C16orf78: variants seen among roughly 807,000 people sequenced by gnomAD.
C16orf78 encodes the protein chromosome 16 open reading frame 78.
Under a neutral mutation model 27.3 loss-of-function variants are expected in C16orf78, and 19 were observed. The ratio of observed to expected loss-of-function variants is 0.70; its 90% CI spans 0.49 to 1.02. The LOEUF (loss-of-function observed/expected upper bound fraction) is 1.02, where lower values mean the gene tolerates loss of function less well. Among genes scored for constraint, C16orf78 ranks in the 50% least tolerant of loss-of-function variants. The pLI is 0.00. For synonymous variants in C16orf78, 130 were observed against 116.1 expected, an observed-to-expected ratio of 1.12 and a Z score of -0.77; for missense variants, 339 against 337.0, an observed-to-expected ratio of 1.01 and a Z score of -0.05.
chr16:49,381,545 A>C (rs1279776548), intron 3 of C16orf78, among the ~76,000 whole-genome samples: 1 of 152,160 alleles, frequency 6.6e-6, no homozygotes, highest in African/African-American at 2.4e-5. Flanking sequence ...CAGAATCTAC[A>C]ATGAACTCAA....
intron 3 of C16orf78, among the ~76,000 whole-genome samples, chr16:49,382,794 C>T (rs764596038): frequency 2.6e-5 from 4 of 152,312 alleles, no homozygotes; most frequent in Non-Finnish European, 5.9e-5. Context: ...CTTCCTATCT[C>T]TTTCCTCTTC....
Position 49,387,407 on chromosome 16 carries a change from T to C in C16orf78, c.394+8814T>C, listed in dbSNP as rs1567392826. Reference sequence around the variant, plus strand: ...TTTCTTCTATTCTGTAGGTTGTCTGTTAACTCTGTTGATAGTTTCTTCTCT... The same window carrying C: ...TTTCTTCTATTCTGTAGGTTGTCTGCTAACTCTGTTGATAGTTTCTTCTCT... On this transcript the variant is annotated intron_variant, in intron 3 of 4. Coordinates refer to ENST00000299191, the MANE Select transcript of C16orf78 (RefSeq NM_144602.4). 2.6e-5 allele frequency among the ~76,000 whole-genome samples: 4 copies of C among 152,362 alleles called. No homozygotes were observed. The South Asian group carries it at 8.3e-4, about 32-fold the overall frequency.
In C16orf78 at chr16:49,396,445, C is replaced by G; in HGVS notation, c.417C>G (p.Val139=). The G allele has an allele frequency of 6.2e-7, 1 of 1,614,098 alleles. No individual in the cohort carries two copies. The highest frequency in any genetic ancestry group is 1.1e-5 in the South Asian group (1 of 91,070). The change falls in exon 4 of 5, where the codon GTC becomes GTG. Residue 139 remains valine, a synonymous_variant. Coordinates refer to ENST00000299191, the MANE Select transcript of C16orf78 (RefSeq NM_144602.4). ...CAGATACAGACATCAAGGATGCAGT[C>G]GACCCAGAGTCCACTCAGCGGCCAA... ...KKSDTDIKDA[V]DPESTQRPNP...
Position 49,378,640 on chromosome 16 carries a change from T to G in C16orf78, c.394+47T>G, listed in dbSNP as rs200432749. 4 of 1,609,718 alleles carry G rather than the reference T, an allele frequency of 2.5e-6. No homozygotes were observed. The East Asian group carries it at 8.9e-5, about 36-fold the overall frequency. On this transcript the variant is annotated intron_variant, in intron 3 of 4. Transcript: ENST00000299191. ...CGGCCACCAGAATCCTGCTCCATAA[T>G]CTCCTCCTCTAGAAGAAACCGAAAG...
At position 49,378,528 on chromosome 16, in the gene C16orf78, A is replaced by G; in HGVS notation, c.329A>G (p.Glu110Gly). The G allele has an allele frequency of 6.2e-7, 1 of 1,612,548 alleles. No homozygotes were observed. Among genetic ancestry groups the G allele is most frequent in the Non-Finnish European group, 8.5e-7 (1 of 1,179,314 alleles). The change falls in exon 3 of 5, where the codon GAG becomes GGG. Residue 110 changes from glutamate to glycine, a missense_variant. Transcript: ENST00000299191. ...TCCTACCGAAGCCTCTATGGAGTGG[A>G]GCAAAAGGGGAAACACCTCAGCATG... ...AASYRSLYGV[E>G]QKGKHLSMVP...
intron 3 of C16orf78, among the ~76,000 whole-genome samples, chr16:49,381,856 T>C (rs1245895439): frequency 1.3e-5 from 2 of 152,250 alleles, no homozygotes; most frequent in African/African-American, 2.4e-5. Flanking sequence ...GTCAGTGTGG[T>C]GATTCCTCAG....
intron 3 of C16orf78, among the ~76,000 whole-genome samples, chr16:49,393,261 G>C (rs1026668855): frequency 6.6e-6 from 1 of 152,026 alleles, no homozygotes; most frequent in Non-Finnish European, 1.5e-5. Context: ...CCAAATAGAA[G>C]ATCATATAGA....
At chr16:49,391,291 C>T (rs538845852) in intron 3 of C16orf78, among the ~76,000 whole-genome samples, 31 of 152,270 alleles carry the variant, frequency 2.0e-4, no homozygotes, top group African/African-American at 7.2e-4. Context: ...AGGGAATTCC[C>T]TCCCTGGGCA....
At chr16:49,378,834 G>A (rs921540863) in intron 3 of C16orf78, among the ~76,000 whole-genome samples, 1 of 152,160 alleles carries the variant, frequency 6.6e-6, no homozygotes, top group Non-Finnish European at 1.5e-5. Context: ...GCCCCATCTC[G>A]AGTGTTCCCT....
intron 3 of C16orf78, among the ~76,000 whole-genome samples, chr16:49,389,811 T>C (rs1381934352): frequency 6.6e-6 from 1 of 152,240 alleles, no homozygotes; most frequent in East Asian, 1.9e-4. Context: ...CAAGCAATTA[T>C]GTTTTCAAGA....
At chr16:49,390,679 G>C (rs866190781) in intron 3 of C16orf78, among the ~76,000 whole-genome samples, 1 of 152,182 alleles carries the variant, frequency 6.6e-6, no homozygotes, top group South Asian at 2.1e-4. Context: ...TCTTTCACTA[G>C]AGTACTTTCT....
intron 4 of C16orf78, among the ~76,000 whole-genome samples, chr16:49,398,347 G>A (rs915955558): frequency 5.3e-5 from 8 of 152,328 alleles, no homozygotes; most frequent in African/African-American, 1.9e-4. Flanking sequence ...TGGGACCAAG[G>A]TCAGAGTTGC....
chr16:49,393,611 T>C (rs1258933432), intron 3 of C16orf78, among the ~76,000 whole-genome samples: 1 of 151,576 alleles, frequency 6.6e-6, no homozygotes. Flanking sequence ...AGAAGAAAAT[T>C]TACAGTAAAA....
intron 3 of C16orf78, among the ~76,000 whole-genome samples, chr16:49,385,580 G>A (rs1260668511): frequency 2.6e-5 from 4 of 151,628 alleles, no homozygotes; most frequent in African/African-American, 4.8e-5. Flanking sequence ...ACTTGAACCT[G>A]GGAGGCAGAG....
In C16orf78 at chr16:49,399,325, C is replaced by T. The variant is rs371768010; in HGVS notation, c.*47C>T. On this transcript the variant is annotated 3_prime_UTR_variant, in exon 5 of 5. Transcript: ENST00000299191. ...TTCAGGCTCCTTCTGTCATGGGACC[C>T]TTCACCTCCAGATGCCATCCTCTGG... is the stretch of plus-strand genomic sequence containing the variant. The T allele has an allele frequency of 4.3e-5, 69 of 1,603,012 alleles. No homozygotes were observed. The highest frequency in any genetic ancestry group is 2.1e-4 in the African/African-American group (16 of 74,830).
intron 3 of C16orf78, among the ~76,000 whole-genome samples, chr16:49,395,065 A>G (rs915207473): frequency 6.6e-6 from 1 of 151,992 alleles, no homozygotes; most frequent in African/African-American, 2.4e-5. Context: ...ATGGAGTCTC[A>G]CTTTGTTAGT....
chr16:49,381,502 C>T lies in C16orf78; in HGVS notation c.394+2909C>T, dbSNP rs565234933. Among the ~76,000 whole-genome samples, 9 of 152,218 alleles carry T rather than the reference C, an allele frequency of 5.9e-5. No individual in the cohort carries two copies. The South Asian group carries it at 1.0e-3, about 18-fold the overall frequency. ...AACCTACAAAATGGAAGAAAATTTT[C>T]GCAACCTACTCATCTGACAAAGGGC... On this transcript the variant is annotated intron_variant, in intron 3 of 4. Transcript: ENST00000299191.
At position 49,396,639 on chromosome 16, in the gene C16orf78, C is replaced by T; in HGVS notation, c.611C>T (p.Thr204Ile). The T allele has an allele frequency of 2.5e-6, 4 of 1,612,458 alleles. No individual in the cohort carries two copies. In the South Asian group the frequency reaches 3.3e-5, roughly 13 times the overall value. ...AAAAGCACCGAACCTAAGATGGAAA[C>T]CATGAGGATGTTGAAGCCAGAGGAG... ...MEKSTEPKMETMRMLKPEEVL... is the reference protein window; with the variant it reads ...MEKSTEPKMEIMRMLKPEEVL... Residue 204 changes from threonine to isoleucine, a missense_variant, in exon 4 of 5, where the codon ACC (threonine) becomes ATC (isoleucine). Physicochemically the swap from Thr to Ile is moderately conservative, Grantham distance 89. Transcript: ENST00000299191.
At chr16:49,387,901 T>G (rs1965369027) in intron 3 of C16orf78, among the ~76,000 whole-genome samples, 1 of 152,208 alleles carries the variant, frequency 6.6e-6, no homozygotes, top group Admixed American at 6.5e-5. Flanking sequence ...TGGTAATATC[T>G]CCTTTGTAGT....
Sources: allele counts gnomAD v4.1 joint callset (sites outside exome capture counted in the v4.1 genomes callset), GRCh38; gene constraint gnomAD v4.1.1; transcripts MANE v1.5; gene names NCBI Gene and HGNC (gene_info 2026-07-23, HGNC 2026-07-21).